The following MLLT3 variants were observed in gnomAD, a reference collection of about 807,000 sequenced individuals.
MLLT3 encodes protein AF-9.
In MLLT3, 4 loss-of-function variants were observed where a neutral mutation model predicts 53.2. The observed-to-expected ratio is 0.08, with a 90% CI of 0.04 to 0.17. MLLT3 has a LOEUF of 0.17. MLLT3 is among the 10% of genes least tolerant of loss of function. The pLI is 1.00. For synonymous variants in MLLT3, 283 were observed against 230.6 expected, an observed-to-expected ratio of 1.23 and a Z score of -2.06; for missense variants, 569 against 684.0, an observed-to-expected ratio of 0.83 and a Z score of 1.87.
chr9:20,412,655 T>G (rs1487385362), intron 5 of MLLT3, among the ~76,000 whole-genome samples: 2 of 152,182 alleles, frequency 1.3e-5, no homozygotes, highest in African/African-American at 4.8e-5. Flanking sequence ...GTTCTAAGAT[T>G]GCCAGTTATT....
intron 2 of MLLT3, among the ~76,000 whole-genome samples, chr9:20,504,898 C>T (rs1034754661): frequency 6.6e-6 from 1 of 151,750 alleles, no homozygotes; most frequent in South Asian, 2.1e-4. Flanking sequence ...AGTAGAAAAA[C>T]TTGATGAGAC....
intron 2 of MLLT3, among the ~76,000 whole-genome samples, chr9:20,492,934 G>A (rs1824985992): frequency 1.3e-5 from 2 of 151,908 alleles, no homozygotes. Flanking sequence ...ATAGATTCAT[G>A]ACCTATCCAA....
At chr9:20,509,409 C>G (rs755463936) in intron 2 of MLLT3, among the ~76,000 whole-genome samples, 3 of 152,098 alleles carry the variant, frequency 2.0e-5, no homozygotes, top group Non-Finnish European at 4.4e-5. Context: ...TTCTTTGACT[C>G]TAGATAAAAA....
chr9:20,384,926 G>A (rs1217405049), intron 5 of MLLT3, among the ~76,000 whole-genome samples: 1 of 152,104 alleles, frequency 6.6e-6, no homozygotes, highest in African/African-American at 2.4e-5. Context: ...GAAGTCCAGA[G>A]ACACTGTTAT....
intron 10 of MLLT3, among the ~76,000 whole-genome samples, chr9:20,347,655 T>C (rs941613942): frequency 2.0e-5 from 3 of 152,156 alleles, no homozygotes; most frequent in South Asian, 4.1e-4. Flanking sequence ...GGGCAGTGTA[T>C]TGGGCACAGC....
chr9:20,430,915 GAACA>G (rs1432859324), intron 4 of MLLT3, among the ~76,000 whole-genome samples: 2 of 152,162 alleles, frequency 1.3e-5, no homozygotes, highest in East Asian at 3.9e-4. Context: ...TGGAAGACAT[GAACA>G]AACATTTCAC....
chr9:20,439,131 A>G (rs1426379172), intron 4 of MLLT3, among the ~76,000 whole-genome samples: 2 of 152,128 alleles, frequency 1.3e-5, no homozygotes, highest in Non-Finnish European at 2.9e-5. Flanking sequence ...AGGTGGGCAG[A>G]TCATTTGAGG....
At chr9:20,463,038 A>G in intron 2 of MLLT3, among the ~76,000 whole-genome samples, 1 of 152,190 alleles carries the variant, frequency 6.6e-6, no homozygotes, top group African/African-American at 2.4e-5. Flanking sequence ...ACGTCATGCT[A>G]CACACACTCA....
intron 1 of MLLT3, 164 bp downstream of exon 1, chr9:20,622,081 A>AGGGGG (rs1821034684): frequency 6.6e-5 from 1 of 15,240 alleles, no homozygotes; most frequent in Non-Finnish European, 1.3e-4. Flanking sequence ...GGGGTGGGGG[A>AGGGGG]GGAGGGGAGC....
Position 20,501,516 on chromosome 9 carries a change from T to C in MLLT3, c.194-44730A>G, listed in dbSNP as rs36100380. On this transcript the variant is annotated intron_variant, in intron 2 of 10. Coordinates refer to ENST00000380338, the MANE Select transcript of MLLT3 (RefSeq NM_004529.4). ...CCTGTAATCCCAGCATTTTGGGAGG[T>C]CGAGGCGGGTGGATCATGAGGTCAG... Among the ~76,000 whole-genome samples, 1,727 of 134,116 alleles carry C rather than the reference T, an allele frequency of 0.013. 73 individuals are homozygous for C. The East Asian group carries it at 0.17, about 14-fold the overall frequency. The allele number at this position is 134,116 out of a possible 152,430, so 88.0% of individuals were successfully genotyped here.
chr9:20,597,667 A>T (rs1820310756), intron 2 of MLLT3, among the ~76,000 whole-genome samples: 1 of 152,186 alleles, frequency 6.6e-6, no homozygotes, highest in Admixed American at 6.5e-5. Flanking sequence ...CCAATAAGAT[A>T]AGAAAGTTTT....
chr9:20,498,377 C>G (rs1412945597), intron 2 of MLLT3, among the ~76,000 whole-genome samples: 2 of 150,104 alleles, frequency 1.3e-5, no homozygotes, highest in South Asian at 2.1e-4. Flanking sequence ...TTGCATTTTC[C>G]TAATCACTTA....
chr9:20,475,099 T>C (rs1177239772), intron 2 of MLLT3, among the ~76,000 whole-genome samples: 3 of 152,088 alleles, frequency 2.0e-5, no homozygotes, highest in Non-Finnish European at 4.4e-5. Flanking sequence ...GAAAAATCCA[T>C]TGGCTTAAGA....
At chr9:20,402,799 C>G (rs1480303045) in intron 5 of MLLT3, among the ~76,000 whole-genome samples, 1 of 151,970 alleles carries the variant, frequency 6.6e-6, no homozygotes, top group Non-Finnish European at 1.5e-5. Flanking sequence ...GGATTTGCAC[C>G]CTACCCTTTT....
intron 4 of MLLT3, among the ~76,000 whole-genome samples, chr9:20,433,733 G>C (rs1057425959): frequency 1.3e-5 from 2 of 152,048 alleles, no homozygotes; most frequent in African/African-American, 4.8e-5. Context: ...GTCAAGGAAA[G>C]ACCAAGGAAC....
chr9:20,557,047 T>G (rs1264480603), intron 2 of MLLT3, among the ~76,000 whole-genome samples: 1 of 152,130 alleles, frequency 6.6e-6, no homozygotes, highest in Non-Finnish European at 1.5e-5. Flanking sequence ...GTTCCAGTCT[T>G]TAACTAACAA....
At chr9:20,572,592 G>A (rs1819557206) in intron 2 of MLLT3, among the ~76,000 whole-genome samples, 1 of 152,128 alleles carries the variant, frequency 6.6e-6, no homozygotes, top group Admixed American at 6.5e-5. Flanking sequence ...TCAGGGATTC[G>A]AGGCCAGCCT....
intron 2 of MLLT3, among the ~76,000 whole-genome samples, chr9:20,462,354 A>G (rs1189324263): frequency 6.6e-6 from 1 of 152,194 alleles, no homozygotes; most frequent in Non-Finnish European, 1.5e-5. Flanking sequence ...AACATCAACA[A>G]ATACATTGAG....
chr9:20,521,716 T>G (rs1818063995), intron 2 of MLLT3, among the ~76,000 whole-genome samples: 1 of 152,118 alleles, frequency 6.6e-6, no homozygotes, highest in South Asian at 2.1e-4. Context: ...AAAAGAAAAT[T>G]CAGTGCTTTC....
Sources: gnomAD v4.1 joint callset for allele counts (sites outside exome capture counted in the v4.1 genomes callset) on GRCh38, gnomAD v4.1.1 for gene constraint, MANE v1.5 for transcripts, NCBI Gene and HGNC (gene_info 2026-07-23, HGNC 2026-07-21) for gene names.